CYYR1: variants seen among roughly 807,000 people sequenced by gnomAD.
CYYR1 encodes cysteine and tyrosine rich 1.
CYYR1 carries 14 observed loss-of-function variants against 15.2 expected under a neutral mutation model. The observed-to-expected ratio is 0.92, with a 90% CI of 0.61 to 1.44. The LOEUF (loss-of-function observed/expected upper bound fraction) is 1.44. CYYR1 is among the 40% of genes most tolerant of loss of function. The pLI is 0.00. For missense variants in CYYR1, 228 were observed against 209.5 expected (o/e 1.09, Z -0.54); for synonymous variants, 80 against 77.4 (o/e 1.03, Z -0.18).
chr21:26,478,948 GGAAATCCAACACTTGGATCA>G (rs1458198775), intron 3 of CYYR1, among the ~76,000 whole-genome samples: 4 of 151,988 alleles, frequency 2.6e-5, no homozygotes, highest in South Asian at 2.1e-4. Flanking sequence ...GGGTTTTGGG[GGAAATCCAACACTTGGATCA>G]GAAATCCAAG....
chr21:26,502,033 A>G (rs1485403807), intron 2 of CYYR1, among the ~76,000 whole-genome samples: 5 of 152,170 alleles, frequency 3.3e-5, no homozygotes, highest in Non-Finnish European at 7.4e-5. Flanking sequence ...AAATCTCTCC[A>G]TCCAGGACAT....
At chr21:26,499,164 T>G (rs1368134523) in intron 2 of CYYR1, among the ~76,000 whole-genome samples, 4 of 152,200 alleles carry the variant, frequency 2.6e-5, no homozygotes, top group South Asian at 2.1e-4. Context: ...CTGAACCATA[T>G]TTGGAAAGGG....
chr21:26,541,382 A>G (rs989644807), intron 2 of CYYR1, among the ~76,000 whole-genome samples: 3 of 152,200 alleles, frequency 2.0e-5, no homozygotes, highest in East Asian at 3.8e-4. Context: ...GACAAATTAC[A>G]TATATAAGAA....
chr21:26,481,647 G>C (rs2065182482), intron 2 of CYYR1, among the ~76,000 whole-genome samples: 1 of 152,032 alleles, frequency 6.6e-6, no homozygotes, highest in African/African-American at 2.4e-5. Flanking sequence ...CATTTAGGTT[G>C]ATTCCATGTC....
intron 2 of CYYR1, among the ~76,000 whole-genome samples, chr21:26,530,024 T>A (rs981214925): frequency 6.6e-6 from 1 of 152,212 alleles, no homozygotes; most frequent in Non-Finnish European, 1.5e-5. Flanking sequence ...TACATAAGTG[T>A]TGGTAAACAA....
At chr21:26,473,075 TA>T (rs2065055540) in intron 3 of CYYR1, among the ~76,000 whole-genome samples, 1 of 152,222 alleles carries the variant, frequency 6.6e-6, no homozygotes, top group East Asian at 1.9e-4. Context: ...TATAAAATTC[TA>T]ATATACCTGT....
intron 2 of CYYR1, among the ~76,000 whole-genome samples, chr21:26,493,272 CAAATG>C (rs1335364188): frequency 2.6e-5 from 4 of 151,960 alleles, no homozygotes; most frequent in African/African-American, 9.7e-5. Context: ...TCATGGGAAA[CAAATG>C]AAATGGTCTA....
intron 2 of CYYR1, among the ~76,000 whole-genome samples, chr21:26,511,100 G>C (rs1352804620): frequency 1.3e-5 from 2 of 152,152 alleles, no homozygotes; most frequent in Non-Finnish European, 2.9e-5. Context: ...TTTATTATCT[G>C]TGAGAAAGTT....
intron 2 of CYYR1, among the ~76,000 whole-genome samples, chr21:26,541,663 T>G (rs767609781): frequency 6.6e-6 from 1 of 152,200 alleles, no homozygotes; most frequent in Non-Finnish European, 1.5e-5. Flanking sequence ...AAAATTCAGA[T>G]TTTAATTTCC....
chr21:26,509,267 T>A (rs1817957108), intron 2 of CYYR1, among the ~76,000 whole-genome samples: 1 of 152,232 alleles, frequency 6.6e-6, no homozygotes, highest in Admixed American at 6.5e-5. Flanking sequence ...AATTCCCTTT[T>A]TCCTAGAATG....
At chr21:26,568,444 C>T (rs976247225) in intron 1 of CYYR1, 1 of 152,060 alleles carries the variant, frequency 6.6e-6, no homozygotes, top group African/African-American at 2.4e-5. Context: ...TATCTTTTAC[C>T]ACATACAAAA....
chr21:26,534,531 G>A (rs1303010031), intron 2 of CYYR1, among the ~76,000 whole-genome samples: 1 of 152,050 alleles, frequency 6.6e-6, no homozygotes, highest in East Asian at 1.9e-4. Context: ...CCTGGCACAG[G>A]AGACTGGAGA....
chr21:26,530,012 C>A (rs1439298719), intron 2 of CYYR1, among the ~76,000 whole-genome samples: 1 of 152,158 alleles, frequency 6.6e-6, no homozygotes, highest in Non-Finnish European at 1.5e-5. Context: ...CATATGTTGA[C>A]ATACATAAGT....
At position 26,474,442 on chromosome 21, in the gene CYYR1, C is replaced by G. The variant is rs1317787196; in HGVS notation, c.335-5808G>C. Reference sequence around the variant, plus strand: ...TTTTTTTTTTTTAACAGAGTAGGTGCCTTGCTATTTTGCCCAAGCCAGGAT... The same window carrying G: ...TTTTTTTTTTTTAACAGAGTAGGTGGCTTGCTATTTTGCCCAAGCCAGGAT... On this transcript the variant is annotated intron_variant, in intron 3 of 3. Coordinates refer to ENST00000652641, the MANE Select transcript of CYYR1 (RefSeq NM_001320768.2). Among the ~76,000 whole-genome samples, 3 of 143,730 alleles carry G rather than the reference C, an allele frequency of 2.1e-5. No individual in the cohort carries two copies. In the East Asian group the frequency reaches 6.0e-4, roughly 29 times the overall value. 94.3% of individuals were successfully genotyped at this position (143,730 alleles called of 152,430 possible).
chr21:26,562,052 C>T (rs182144538), intron 2 of CYYR1, among the ~76,000 whole-genome samples: 172 of 152,310 alleles, frequency 1.1e-3, no homozygotes, highest in African/African-American at 4.1e-3. Flanking sequence ...TTTCCATATT[C>T]ATCACAGATC....
chr21:26,564,100 T>C (rs779195617), intron 2 of CYYR1, among the ~76,000 whole-genome samples: 14 of 152,044 alleles, frequency 9.2e-5, no homozygotes, highest in Non-Finnish European at 1.9e-4. Context: ...CAGAAATATG[T>C]GACAACCTGT....
chr21:26,550,068 T>C (rs1396446323), intron 2 of CYYR1, among the ~76,000 whole-genome samples: 1 of 152,242 alleles, frequency 6.6e-6, no homozygotes, highest in African/African-American at 2.4e-5. Flanking sequence ...TCACTTTGTG[T>C]TTCTGTGTCA....
intron 2 of CYYR1, among the ~76,000 whole-genome samples, chr21:26,537,634 C>T (rs1400373114): frequency 2.0e-5 from 3 of 152,058 alleles, no homozygotes; most frequent in African/African-American, 7.2e-5. Context: ...CAAAGCAAAT[C>T]GAGGGCAATG....
intron 2 of CYYR1, among the ~76,000 whole-genome samples, chr21:26,562,799 A>ACAC (rs1980321214): frequency 3.0e-5 from 4 of 132,610 alleles, no homozygotes; most frequent in Admixed American, 7.5e-5. Flanking sequence ...GACATACACA[A>ACAC]ACACACACAC....
Sources: allele counts gnomAD v4.1 joint callset (sites outside exome capture counted in the v4.1 genomes callset), GRCh38; gene constraint gnomAD v4.1.1; transcripts MANE v1.5; gene names NCBI Gene and HGNC (gene_info 2026-07-23, HGNC 2026-07-21).